The following GRID2 variants were observed in gnomAD, a reference collection of about 807,000 sequenced individuals.
GRID2 encodes glutamate ionotropic receptor delta type subunit 2, also known as glutamate receptor ionotropic, delta-2.
GRID2 carries 33 observed loss-of-function variants against 114.8 expected under a neutral mutation model. That is an observed-to-expected ratio of 0.29 (90% confidence interval 0.22 to 0.38). The LOEUF (loss-of-function observed/expected upper bound fraction) is 0.38. GRID2 is among the 10% of genes least tolerant of loss of function. The pLI, the probability that GRID2 is intolerant of heterozygous loss-of-function variation, is 1.00. For missense variants in GRID2, 1,184 were observed against 1,257.7 expected (o/e 0.94, Z 0.89); for synonymous variants, 505 against 449.9 (o/e 1.12, Z -1.55).
chr4:93,598,969 T>C (rs1222062526), intron 13 of GRID2, among the ~76,000 whole-genome samples: 1 of 152,218 alleles, frequency 6.6e-6, no homozygotes, highest in Non-Finnish European at 1.5e-5. Context: ...AATAATGCTG[T>C]TAATGCTAAT....
intron 2 of GRID2, among the ~76,000 whole-genome samples, chr4:92,598,786 TTAA>T (rs922146340): frequency 1.3e-4 from 20 of 152,284 alleles, no homozygotes; most frequent in Non-Finnish European, 8.8e-5. Flanking sequence ...TAATTACATT[TTAA>T]TGATAGTGCT....
chr4:93,728,453 G>C (rs1730152805), intron 14 of GRID2, among the ~76,000 whole-genome samples: 1 of 152,146 alleles, frequency 6.6e-6, no homozygotes, highest in Non-Finnish European at 1.5e-5. Flanking sequence ...TGAAAAAAAT[G>C]TATATTCTGT....
intron 13 of GRID2, among the ~76,000 whole-genome samples, chr4:93,582,641 T>C (rs966652936): frequency 1.3e-5 from 2 of 152,178 alleles, no homozygotes; most frequent in African/African-American, 4.8e-5. Context: ...TTCTGACACT[T>C]ACAAAATGTA....
chr4:92,803,340 A>G (rs1367063416), intron 2 of GRID2, among the ~76,000 whole-genome samples: 2 of 152,102 alleles, frequency 1.3e-5, no homozygotes, highest in East Asian at 1.9e-4. Flanking sequence ...TATACAATGC[A>G]TATTTTGTTT....
chr4:93,616,646 A>C (rs1741689130), intron 13 of GRID2, among the ~76,000 whole-genome samples: 1 of 149,710 alleles, frequency 6.7e-6, no homozygotes, highest in South Asian at 2.1e-4. Context: ...TTATAGACTA[A>C]ACAAAACTTG....
At chr4:93,078,863 A>G (rs1231774973) in intron 2 of GRID2, among the ~76,000 whole-genome samples, 2 of 132,344 alleles carry the variant, frequency 1.5e-5, no homozygotes, top group Non-Finnish European at 3.2e-5. Context: ...TTGTAATTAT[A>G]TCATATAATT....
chr4:92,640,867 A>T (rs1305403458), intron 2 of GRID2, among the ~76,000 whole-genome samples: 1 of 152,004 alleles, frequency 6.6e-6, no homozygotes, highest in African/African-American at 2.4e-5. Flanking sequence ...TTCCTTAAAT[A>T]TTTACACATT....
chr4:92,362,159 C>T (rs928378320), intron 1 of GRID2, among the ~76,000 whole-genome samples: 2 of 151,968 alleles, frequency 1.3e-5, no homozygotes, highest in Non-Finnish European at 2.9e-5. Flanking sequence ...ATAATGTCAC[C>T]ATTGCTCATG....
intron 2 of GRID2, among the ~76,000 whole-genome samples, chr4:92,599,542 T>C (rs1336301504): frequency 1.3e-5 from 2 of 152,182 alleles, no homozygotes; most frequent in African/African-American, 4.8e-5. Flanking sequence ...CTTATTTGAA[T>C]TTCTTGTACT....
intron 2 of GRID2, among the ~76,000 whole-genome samples, chr4:92,948,819 A>C (rs76787723): frequency 0.016 from 2,450 of 152,128 alleles, 76 homozygotes; most frequent in African/African-American, 0.057. Context: ...ATGAGAATGA[A>C]ATCTACAGCA....
At chr4:93,335,694 C>CTTTTTTTTTTTTTTTTTTTTTTTTTT (rs55823712) in intron 8 of GRID2, among the ~76,000 whole-genome samples, 4 of 141,726 alleles carry the variant, frequency 2.8e-5, no homozygotes, top group African/African-American at 1.1e-4. Context: ...TTTCTTCTTT[C>CTTTTTTTTTTTTTTTTTTTTTTTTTT]TTTTTTTTTT....
At chr4:93,259,600 A>G (rs1210203788) in intron 8 of GRID2, among the ~76,000 whole-genome samples, 1 of 151,836 alleles carries the variant, frequency 6.6e-6, no homozygotes, top group East Asian at 1.9e-4. Context: ...ATTGATCATC[A>G]GGATTTATAT....
At chr4:93,192,830 A>C (rs1421693527) in intron 4 of GRID2, among the ~76,000 whole-genome samples, 1 of 151,966 alleles carries the variant, frequency 6.6e-6, no homozygotes, top group Admixed American at 6.6e-5. Flanking sequence ...ACTGCAAATC[A>C]GGGTGAAATG....
chr4:93,673,432 G>A (rs986510728), intron 14 of GRID2, among the ~76,000 whole-genome samples: 2 of 151,996 alleles, frequency 1.3e-5, no homozygotes, highest in Non-Finnish European at 2.9e-5. Flanking sequence ...TATTGCCATG[G>A]CCTACATTTG....
At chr4:93,108,240 C>T (rs1042271896) in intron 3 of GRID2, among the ~76,000 whole-genome samples, 2 of 152,164 alleles carry the variant, frequency 1.3e-5, no homozygotes, top group Non-Finnish European at 1.5e-5. Context: ...TGTTTTCTTC[C>T]AAACACTTAG....
intron 14 of GRID2, among the ~76,000 whole-genome samples, chr4:93,649,509 TTC>T (rs2149719322): frequency 1.3e-5 from 2 of 152,320 alleles, no homozygotes; most frequent in East Asian, 3.9e-4. Flanking sequence ...AAAAGTTTTT[TTC>T]ACTTAAAGAA....
At chr4:92,716,586 T>A (rs1211809445) in intron 2 of GRID2, among the ~76,000 whole-genome samples, 2 of 152,208 alleles carry the variant, frequency 1.3e-5, no homozygotes, top group African/African-American at 4.8e-5. Context: ...CTTTTATTAC[T>A]ACAATCTAAT....
chr4:93,186,734 A>G (rs1461546114), intron 4 of GRID2, among the ~76,000 whole-genome samples: 1 of 152,166 alleles, frequency 6.6e-6, no homozygotes, highest in Non-Finnish European at 1.5e-5. Context: ...TAGGTTGCAT[A>G]TGTCATCTCT....
intron 1 of GRID2, among the ~76,000 whole-genome samples, chr4:92,425,836 G>A (rs1343720898): frequency 6.6e-6 from 1 of 152,068 alleles, no homozygotes; most frequent in Non-Finnish European, 1.5e-5. Flanking sequence ...AACTTACAAG[G>A]TGGTTATGCA....
Sources: gnomAD v4.1 joint callset for allele counts (sites outside exome capture counted in the v4.1 genomes callset) on GRCh38, gnomAD v4.1.1 for gene constraint, MANE v1.5 for transcripts, NCBI Gene and HGNC (gene_info 2026-07-23, HGNC 2026-07-21) for gene names.